Variants in PCBP3 observed in about 807,000 individuals in gnomAD.
PCBP3 encodes poly(rC) binding protein 3.
In PCBP3, 25 loss-of-function variants were observed where a neutral mutation model predicts 52.7. The observed-to-expected ratio is 0.47, with a 90% CI of 0.35 to 0.66. The LOEUF (loss-of-function observed/expected upper bound fraction) is 0.66. PCBP3 is among the 30% of genes least tolerant of loss of function. The pLI, the probability that PCBP3 is intolerant of heterozygous loss-of-function variation, is 0.01. For synonymous variants in PCBP3, 162 were observed against 183.0 expected, an observed-to-expected ratio of 0.89 and a Z score of 0.93; for missense variants, 391 against 490.3, an observed-to-expected ratio of 0.80 and a Z score of 1.91.
In PCBP3 at chr21:45,777,669, ATTCT is replaced by A. The variant is rs769557757; in HGVS notation, c.-126+22223_-126+22226del. On this transcript the variant is annotated intron_variant, in intron 4 of 17. Transcript: ENST00000681687. Reference sequence around the variant, plus strand: ...CAAGGACTTGTCTTCAAGTACAGAGATTCTTTCTTCTGCCTGATTTAGCCTATTG... The same window carrying A: ...CAAGGACTTGTCTTCAAGTACAGAGATTCTTCTGCCTGATTTAGCCTATTG... Among the ~76,000 whole-genome samples, 10 of 151,796 alleles carry A rather than the reference ATTCT, an allele frequency of 6.6e-5. No individual in the cohort carries two copies. In the South Asian group the frequency reaches 1.9e-3, roughly 28 times the overall value.
intron 13 of PCBP3, among the ~76,000 whole-genome samples, chr21:45,925,400 AAAG>A (rs1348050445): frequency 6.6e-6 from 1 of 152,264 alleles, no homozygotes; most frequent in Non-Finnish European, 1.5e-5. Context: ...GTGAAATAAA[AAAG>A]AAACTCTGGA....
At chr21:45,831,414 A>C (rs1290790421) in intron 4 of PCBP3, among the ~76,000 whole-genome samples, 1 of 111,652 alleles carries the variant, frequency 9.0e-6, no homozygotes, top group Non-Finnish European at 2.0e-5. Flanking sequence ...GTCTCAAAAA[A>C]AAAAAAAAAA....
intron 2 of PCBP3, among the ~76,000 whole-genome samples, chr21:45,732,437 G>A (rs1341258987): frequency 2.0e-5 from 3 of 151,294 alleles, no homozygotes; most frequent in Non-Finnish European, 4.4e-5. Flanking sequence ...TCTGTGGCAA[G>A]AGCAGCAAAT....
rs961988079 is a variant in PCBP3, at chr21:45,791,911, A to G, written c.-126+36459A>G. 6.6e-6 allele frequency among the ~76,000 whole-genome samples: 1 copy of G among 152,394 alleles called. No homozygotes were observed. The highest frequency in any genetic ancestry group is 2.4e-5 in the African/African-American group (1 of 41,604). On this transcript the variant is annotated intron_variant, in intron 4 of 17. Transcript: ENST00000681687. This position sits in a 1 kb window ranked among gnomAD's most constrained non-coding sequence, Gnocchi z 4.2. ...TCATTTCCAGCCCTGAGCTGCACTC[A>G]GGAGCTGGGCCTCATGCCCAGTCCC...
At chr21:45,654,566 C>G (rs2079892740) in intron 1 of PCBP3, among the ~76,000 whole-genome samples, 1 of 152,132 alleles carries the variant, frequency 6.6e-6, no homozygotes, top group Admixed American at 6.5e-5. Flanking sequence ...GTCTCAATCT[C>G]TTGACCTCGT....
At chr21:45,906,005 C>T (rs1331444475) in intron 9 of PCBP3, among the ~76,000 whole-genome samples, 1 of 152,168 alleles carries the variant, frequency 6.6e-6, no homozygotes, top group Non-Finnish European at 1.5e-5. Context: ...AGGGCGTCAC[C>T]ACGATGTGTC....
At position 45,669,799 on chromosome 21, in the gene PCBP3, GTGTGTGTATATATATATATATATA is replaced by G. The variant is rs1204381943; in HGVS notation, c.-200+849_-200+872del. 4.0e-3 allele frequency among the ~76,000 whole-genome samples: 349 copies of G among 88,212 alleles called. 5 individuals carry two copies. Among genetic ancestry groups the G allele is most frequent in the African/African-American group, 0.012 (318 of 26,360 alleles). The allele number at this position is 88,212 out of a possible 152,430, so 57.9% of individuals were successfully genotyped here. A position where few individuals can be genotyped will look rare whatever the true frequency, so the allele number is the denominator to read the frequency against. ...GAATAATATTCCATTGTGTGTGTGT[GTGTGTGTATATATATATATATATA>G]TATATATATATATATATATATATCA... On this transcript the variant is annotated intron_variant, in intron 2 of 17. Coordinates refer to ENST00000681687, the MANE Select transcript of PCBP3 (RefSeq NM_001384156.1).
intron 1 of PCBP3, among the ~76,000 whole-genome samples, chr21:45,663,869 A>C (rs2080586803): frequency 6.6e-6 from 1 of 152,032 alleles, no homozygotes; most frequent in Non-Finnish European, 1.5e-5. Flanking sequence ...TTCCATATGA[A>C]TTGTATGATT....
At chr21:45,863,885 C>T (rs547032739) in intron 5 of PCBP3, among the ~76,000 whole-genome samples, 1 of 152,226 alleles carries the variant, frequency 6.6e-6, no homozygotes, top group East Asian at 1.9e-4. Context: ...GGGGAAATGC[C>T]TAGAGGAACC....
rs550149779 is a variant in PCBP3 at position 45,656,819 on chromosome 21, A to T, written c.-278-12055A>T. 3.4e-4 allele frequency among the ~76,000 whole-genome samples: 52 copies of T among 151,678 alleles called. No homozygotes were observed. Among genetic ancestry groups the T allele is most frequent in the Non-Finnish European group, 5.9e-4 (40 of 67,870 alleles). ...CCCTCCAACTGTGAGTAGTCTTTTC[A>T]TTTTCTTTTCTTTCTTTCTTGAGAC... On this transcript the variant is annotated intron_variant, in intron 1 of 17. Transcript: ENST00000681687. This position sits in a 1 kb window ranked among gnomAD's most constrained non-coding sequence, Gnocchi z 4.3.
At chr21:45,665,731 A>G (rs558703334) in intron 1 of PCBP3, among the ~76,000 whole-genome samples, 1 of 152,346 alleles carries the variant, frequency 6.6e-6, no homozygotes, top group South Asian at 2.1e-4. Flanking sequence ...AACTATTCCA[A>G]AAAATTGAGG....
At chr21:45,939,191 A>G (rs2077190536) in intron 16 of PCBP3, among the ~76,000 whole-genome samples, 1 of 152,150 alleles carries the variant, frequency 6.6e-6, no homozygotes, top group South Asian at 2.1e-4. Flanking sequence ...AGGTCTGGCC[A>G]CGTCTCTTTC....
At chr21:45,762,486 C>CTTTTTTTTTTTTTTTTTTTTTTTTT (rs1401689005) in intron 4 of PCBP3, 1 of 95,260 alleles carries the variant, frequency 1.0e-5, no homozygotes, top group African/African-American at 3.3e-5. Context: ...CTTTTCTTTT[C>CTTTTTTTTTTTTTTTTTTTTTTTTT]TTCTCTTTTT....
rs184242041 is a variant in PCBP3, at chr21:45,879,511, C to T, written c.11-16697C>T. On this transcript the variant is annotated intron_variant, in intron 5 of 17. Transcript: ENST00000681687. ...TGCAGACAATGCAGACACCACAGTACACGTGGTTTTTATGTGCACATGGGA... is the reference window on the plus strand; with the variant it reads ...TGCAGACAATGCAGACACCACAGTATACGTGGTTTTTATGTGCACATGGGA... Among the ~76,000 whole-genome samples the T allele has an allele frequency of 5.0e-3, 757 of 152,280 alleles. 16 individuals carry two copies. Among genetic ancestry groups the T allele is most frequent in the South Asian group, 0.044 (212 of 4,824 alleles).
rs901761757 is a variant in PCBP3, at chr21:45,740,597, TGTGA to T, written c.-162+5172_-162+5175del. ...GCTGAGAGGTGCGTGTGTGTGTGCATGTGAGTGTGTGTGTGGTGTGTGTAGTGTG... is the reference window on the plus strand; with the variant it reads ...GCTGAGAGGTGCGTGTGTGTGTGCATGTGTGTGTGTGGTGTGTGTAGTGTG... On this transcript the variant is annotated intron_variant, in intron 3 of 17. Coordinates refer to ENST00000681687, the MANE Select transcript of PCBP3 (RefSeq NM_001384156.1). 4.4e-3 allele frequency among the ~76,000 whole-genome samples: 641 copies of T among 145,452 alleles called. 2 individuals are homozygous for T. The highest frequency in any genetic ancestry group is 0.015 in the African/African-American group (589 of 38,894).
At chr21:45,710,824 T>C (rs1003940056) in intron 2 of PCBP3, among the ~76,000 whole-genome samples, 1 of 152,216 alleles carries the variant, frequency 6.6e-6, no homozygotes, top group East Asian at 1.9e-4. Flanking sequence ...CTTATTTATT[T>C]TTCCAATCAT....
At chr21:45,678,168 C>T (rs984481903) in intron 2 of PCBP3, among the ~76,000 whole-genome samples, 17 of 151,842 alleles carry the variant, frequency 1.1e-4, no homozygotes, top group South Asian at 4.2e-4. Context: ...GGTGAAACCC[C>T]GTCTCTACTA....
At chr21:45,861,814 G>T (rs182925121) in intron 5 of PCBP3, among the ~76,000 whole-genome samples, 2 of 152,280 alleles carry the variant, frequency 1.3e-5, no homozygotes, top group East Asian at 3.9e-4. Context: ...GACAGAACGG[G>T]ATCCACTCAA....
chr21:45,812,864 G>A (rs1398816565), intron 4 of PCBP3, among the ~76,000 whole-genome samples: 4 of 152,140 alleles, frequency 2.6e-5, no homozygotes, highest in Non-Finnish European at 2.9e-5. Context: ...CTTTGCCTCT[G>A]GCTTCCACTG....
Sources: allele counts gnomAD v4.1 joint callset (sites outside exome capture counted in the v4.1 genomes callset), GRCh38; gene constraint gnomAD v4.1.1; non-coding constraint Gnocchi (gnomAD v3.1); transcripts MANE v1.5; gene names NCBI Gene and HGNC (gene_info 2026-07-23, HGNC 2026-07-21).